The following PKD1L1 variants were observed in gnomAD, a reference collection of about 807,000 sequenced individuals.
PKD1L1 encodes the protein polycystin 1 like 1, transient receptor potential channel interacting.
Under a neutral mutation model 323.4 loss-of-function variants are expected in PKD1L1, and 236 were observed. The observed-to-expected ratio is 0.73, with a 90% CI of 0.66 to 0.81. The LOEUF is 0.81. Among genes scored for constraint, PKD1L1 ranks in the 40% least tolerant of loss-of-function variants. PKD1L1 has a pLI of 0.00. For missense variants in PKD1L1, 3,320 were observed against 3,508.0 expected (o/e 0.95, Z 1.35); for synonymous variants, 1,344 against 1,335.0 (o/e 1.01, Z -0.15).
chr7:47,846,885 T>C lies in PKD1L1; in HGVS notation c.5147A>G (p.Asn1716Ser), dbSNP rs148845676. The C allele has an allele frequency of 6.9e-6, 11 of 1,603,196 alleles. No homozygotes were observed. The highest frequency in any genetic ancestry group is 3.5e-5 in the Admixed American group (2 of 56,996). Residue 1716 changes from asparagine to serine, a missense_variant, in exon 32 of 57, where the codon AAC becomes AGC. Transcript: ENST00000289672. ...TTCTCAAATGTGTCTATACCTGCAGTTCACTTTTTCAGGAGAAGTCCCTGG... is the reference window on the plus strand; with the variant it reads ...TTCTCAAATGTGTCTATACCTGCAGCTCACTTTTTCAGGAGAAGTCCCTGG... Reference protein sequence around the residue: ...PQPGTSPEKVNCSYHRLAAFA... With the variant: ...PQPGTSPEKVSCSYHRLAAFA...
chr7:47,821,026 T>C (rs975933563), intron 46 of PKD1L1, 50 bp downstream of exon 46: 6 of 1,136,864 alleles, frequency 5.3e-6, no homozygotes, highest in African/African-American at 1.5e-5. Context: ...ACACAGGCTA[T>C]GGAATAGTGC....
chr7:47,883,970 A>G (rs1392378073), intron 19 of PKD1L1, among the ~76,000 whole-genome samples: 2 of 152,228 alleles, frequency 1.3e-5, no homozygotes, highest in Non-Finnish European at 2.9e-5. Flanking sequence ...TCATCAATTC[A>G]TTCTACAATG....
Position 47,833,080 on chromosome 7 carries a change from C to T in PKD1L1, c.6337+10G>A, listed in dbSNP as rs1170509652. On this transcript the variant is annotated intron_variant, in intron 41 of 56. Coordinates refer to ENST00000289672, the MANE Select transcript of PKD1L1 (RefSeq NM_138295.5). ...GCAGGAAGGGGGCTGTGGTTGCAAG[C>T]CACAGTTACCTTGAGTGTGGGGAGG... The T allele has an allele frequency of 6.2e-7, 1 of 1,605,712 alleles. No homozygotes were observed. The highest frequency in any genetic ancestry group is 1.7e-5 in the Admixed American group (1 of 59,290).
chr7:47,904,347 G>C, intron 12 of PKD1L1, 31 bp downstream of exon 12: 1 of 1,613,280 alleles, frequency 6.2e-7, no homozygotes, highest in South Asian at 1.1e-5. Context: ...GCTGTCTGTA[G>C]AGAGCACTCC....
intron 14 of PKD1L1, 116 bp from the exon 15 acceptor site, chr7:47,894,175 G>T (rs1786887126): frequency 2.2e-6 from 2 of 894,694 alleles, no homozygotes; most frequent in African/African-American, 1.7e-5. Flanking sequence ...CGCATCCCTG[G>T]CTCCAACTAA....
chr7:47,776,625 T>C (rs1393754433), intron 56 of PKD1L1, among the ~76,000 whole-genome samples: 1 of 152,224 alleles, frequency 6.6e-6, no homozygotes, highest in Non-Finnish European at 1.5e-5. Flanking sequence ...GTAAATATTA[T>C]AGGATTCAGT....
chr7:47,904,190 C>A (rs1343487331), intron 12 of PKD1L1, among the ~76,000 whole-genome samples, 188 bp downstream of exon 12: 1 of 152,188 alleles, frequency 6.6e-6, no homozygotes, highest in African/African-American at 2.4e-5. Flanking sequence ...TCTCTTTCCT[C>A]TTTGTCTTTC....
At chr7:47,775,816 GAAA>G (rs61097863) in intron 56 of PKD1L1, among the ~76,000 whole-genome samples, 5 of 132,496 alleles carry the variant, frequency 3.8e-5, no homozygotes, top group African/African-American at 1.1e-4. Context: ...GTAGATAACA[GAAA>G]AAAAAAAAAA....
chr7:47,842,453 C>G (rs192879589), intron 34 of PKD1L1, among the ~76,000 whole-genome samples: 3 of 152,260 alleles, frequency 2.0e-5, no homozygotes, highest in Admixed American at 2.0e-4. Flanking sequence ...GTCACACGCA[C>G]TTCGAATTGC....
intron 15 of PKD1L1, 72 bp downstream of exon 15, chr7:47,893,806 C>T (rs747470638): frequency 4.8e-5 from 71 of 1,471,684 alleles, no homozygotes; most frequent in Admixed American, 1.3e-4. Flanking sequence ...TAGCCTCCAA[C>T]GTTCCAGAGC....
At chr7:47,878,432 T>C (rs1786455777) in intron 21 of PKD1L1, among the ~76,000 whole-genome samples, 1 of 152,204 alleles carries the variant, frequency 6.6e-6, no homozygotes, top group East Asian at 1.9e-4. Context: ...TGTCAAATGG[T>C]TTAAAATCTT....
rs201801012 is a variant in PKD1L1 at position 47,845,063 on chromosome 7, C to T, written c.5169G>A (p.Ala1723=). The T allele has an allele frequency of 1.0e-4, 161 of 1,613,518 alleles. No homozygotes were observed. In the South Asian group the frequency reaches 1.1e-3, roughly 11 times the overall value. The change falls in exon 33 of 57, where the codon GCG becomes GCA. Residue 1723 remains alanine, a synonymous_variant. Transcript: ENST00000289672. ...EKVNCSYHRL[A]AFALLRRKLK... The stretch of plus-strand genomic sequence containing the variant: ...GCTTTCTCCTTAGGAGAGCGAATGC[C>T]GCGAGGCGATGGTAGCTAGGAGGGA...
intron 56 of PKD1L1, among the ~76,000 whole-genome samples, chr7:47,781,950 C>T (rs1249899406): frequency 1.3e-5 from 2 of 152,162 alleles, no homozygotes; most frequent in African/African-American, 4.8e-5. Flanking sequence ...TGCTTCAGCA[C>T]CTTTGTCAAG....
intron 17 of PKD1L1, among the ~76,000 whole-genome samples, chr7:47,887,153 C>T (rs1786703149): frequency 6.6e-6 from 1 of 152,226 alleles, no homozygotes; most frequent in Non-Finnish European, 1.5e-5. Context: ...CCAAGAAGGG[C>T]ACAATCACCC....
the PKD1L1 span, among the ~76,000 whole-genome samples, chr7:47,959,368 G>T: frequency 2.0e-5 from 3 of 149,404 alleles, no homozygotes; most frequent in Non-Finnish European, 4.5e-5. Context: ...ATCCCATCTA[G>T]GAAGTGAGGA....
rs756809200 is a variant in PKD1L1 at position 47,808,260 on chromosome 7, G to A, written c.7814C>T (p.Ala2605Val). 5 of 1,614,170 alleles carry A rather than the reference G, an allele frequency of 3.1e-6. No individual in the cohort carries two copies. In the South Asian group the frequency reaches 5.5e-5, roughly 18 times the overall value. The change falls in exon 52 of 57, where the codon GCA (alanine) becomes GTA (valine). Residue 2605 changes from alanine to valine, a missense_variant. Physicochemically the swap from Ala to Val is moderately conservative, Grantham distance 64 (BLOSUM62 0). Transcript: ENST00000289672. ...CACACCGTGTACCTGATTCCATGAT[G>A]CCATAAGGGTGAGGTCCATAAATGC... ...CRAFMDLTLMASWNQRARWLR... is the reference protein window; with the variant it reads ...CRAFMDLTLMVSWNQRARWLR...
chr7:47,876,058 T>C lies in PKD1L1; in HGVS notation c.3784+39A>G, dbSNP rs201713168. The C allele has an allele frequency of 8.1e-6, 13 of 1,607,108 alleles. 1 individual carries two copies. The South Asian group carries it at 1.0e-4, about 12-fold the overall frequency. On this transcript the variant is annotated intron_variant, in intron 23 of 56. Transcript: ENST00000289672. ...AGGAAAAAAGGTTTAGAACTGTAGG[T>C]TGGCACAGCTAGTGACTCCAACTGG...
intron 5 of PKD1L1, 53 bp downstream of exon 5, chr7:47,931,883 A>G: frequency 6.3e-7 from 1 of 1,578,430 alleles, no homozygotes. Context: ...TATGCATCAG[A>G]TGCTCACCAG....
intron 56 of PKD1L1, among the ~76,000 whole-genome samples, chr7:47,779,546 C>G (rs563391275): frequency 1.8e-4 from 27 of 152,272 alleles, no homozygotes; most frequent in Non-Finnish European, 2.8e-4. Flanking sequence ...CTGATATTCT[C>G]TACGGAGATA....
Sources: allele counts gnomAD v4.1 joint callset (sites outside exome capture counted in the v4.1 genomes callset), GRCh38; gene constraint gnomAD v4.1.1; transcripts MANE v1.5; gene names NCBI Gene and HGNC (gene_info 2026-07-23, HGNC 2026-07-21).